Variants in ZNF780B observed in about 807,000 individuals in gnomAD.
The protein encoded by ZNF780B is zinc finger protein 780B.
A neutral mutation model predicts 74.1 loss-of-function variants in ZNF780B; 52 were observed. That is an observed-to-expected ratio of 0.70 (90% CI 0.56 to 0.88). The LOEUF is 0.88. Among genes scored for constraint, ZNF780B ranks in the 40% least tolerant of loss-of-function variants. ZNF780B has a pLI of 0.00. For missense variants in ZNF780B, 953 were observed against 1,007.6 expected, an observed-to-expected ratio of 0.95 and a Z score of 0.73; for synonymous variants, 315 against 324.3, an observed-to-expected ratio of 0.97 and a Z score of 0.31.
chr19:40,050,249 C>A, intron 2 of ZNF780B, 75 bp downstream of exon 2: 28 of 975,774 alleles, frequency 2.9e-5, no homozygotes, highest in Non-Finnish European at 3.9e-5. Flanking sequence ...TAAGAAGGTT[C>A]AGGTTTAATA....
In ZNF780B at chr19:40,032,272, G is replaced by T. The variant is rs2144678361; in HGVS notation, c.*2085C>A. 2.8e-6 allele frequency: 1 copy of T among 361,806 alleles called. No individual in the cohort carries two copies. The highest frequency in any genetic ancestry group is 2.2e-5 in the South Asian group (1 of 45,662). The allele number at this position is 361,806 out of a possible 1,614,324, so 22.4% of individuals were successfully genotyped here. On this transcript the variant is annotated 3_prime_UTR_variant, in exon 5 of 5. Transcript: ENST00000434248. ...ACAGAGGCCCAGGCTTATAAACTAG[G>T]GCTACACTTCTGTAGGTTTACTAAG...
rs1358352138 is a variant in ZNF780B, at chr19:40,028,649, G to T, written c.*5708C>A. On this transcript the variant is annotated 3_prime_UTR_variant, in exon 5 of 5. Coordinates refer to ENST00000434248, the MANE Select transcript of ZNF780B (RefSeq NM_001005851.3). ...TAGTAAAACTGCCCCAAATTAAAGT[G>T]GATAAAATATAATAAAAGTTAATTT... 6.6e-6 allele frequency: 1 copy of T among 152,132 alleles called. No homozygotes were observed. The highest frequency in any genetic ancestry group is 1.5e-5 in the Non-Finnish European group (1 of 68,026). The allele number at this position is 152,132 out of a possible 1,614,324, so 9.4% of individuals were successfully genotyped here.
Position 40,030,775 on chromosome 19 carries a change from C to T in ZNF780B, c.*3582G>A, listed in dbSNP as rs1341001916. Reference sequence around the variant, plus strand: ...TTTCTGACAACTCTTAATGATACTACCGGGATGTGCAATGACCCAGAAAGG... The same window carrying T: ...TTTCTGACAACTCTTAATGATACTATCGGGATGTGCAATGACCCAGAAAGG... On this transcript the variant is annotated 3_prime_UTR_variant, in exon 5 of 5. Coordinates refer to ENST00000434248, the MANE Select transcript of ZNF780B (RefSeq NM_001005851.3). 6.6e-6 allele frequency: 1 copy of T among 152,100 alleles called. No homozygotes were observed. The highest frequency in any genetic ancestry group is 2.4e-5 in the African/African-American group (1 of 41,398). The allele number at this position is 152,100 out of a possible 1,614,324, so 9.4% of individuals were successfully genotyped here. A position where few individuals can be genotyped will look rare whatever the true frequency, so the allele number is the denominator to read the frequency against.
At chr19:40,039,558 T>C (rs1568413897) in intron 4 of ZNF780B, among the ~76,000 whole-genome samples, 1 of 151,596 alleles carries the variant, frequency 6.6e-6, no homozygotes, top group Non-Finnish European at 1.5e-5. Flanking sequence ...GGAATGTTCT[T>C]CCATTTGTTT....
chr19:40,047,294 T>C lies in ZNF780B; in HGVS notation c.232+81A>G, dbSNP rs911553631. 3.0e-5 allele frequency: 38 copies of C among 1,252,646 alleles called. No individual in the cohort carries two copies. In the Middle Eastern group the frequency reaches 1.8e-3, roughly 59 times the overall value. The allele number at this position is 1,252,646 out of a possible 1,614,324, so 77.6% of individuals were successfully genotyped here. ...TGAAGAAAGTTTTCCAAACCACATC[T>C]CAGGGGTGTGACTCCTCTCTGAGCA... On this transcript the variant is annotated intron_variant, in intron 4 of 4. Coordinates refer to ENST00000434248, the MANE Select transcript of ZNF780B (RefSeq NM_001005851.3).
Position 40,028,349 on chromosome 19 carries a change from A to T in ZNF780B, c.*6008T>A, listed in dbSNP as rs529539134. ...AAGTGGAACTACATATAGTCATTTA[A>T]CAATAGTTTAGCATTTTCTGTCATC... is the stretch of plus-strand genomic sequence containing the variant. On this transcript the variant is annotated 3_prime_UTR_variant, in exon 5 of 5. Transcript: ENST00000434248. The T allele has an allele frequency of 1.8e-4, 27 of 152,308 alleles. No individual in the cohort carries two copies. Among genetic ancestry groups the T allele is most frequent in the African/African-American group, 6.0e-4 (25 of 41,564 alleles). 9.4% of individuals were successfully genotyped at this position (152,308 alleles called of 1,614,324 possible).
At chr19:40,042,280 T>C (rs1203126928) in intron 4 of ZNF780B, among the ~76,000 whole-genome samples, 2 of 152,226 alleles carry the variant, frequency 1.3e-5, no homozygotes, top group African/African-American at 4.8e-5. Flanking sequence ...CGCTGTTAGT[T>C]TGATGGGCTT....
At chr19:40,042,757 T>A (rs1972711930) in intron 4 of ZNF780B, among the ~76,000 whole-genome samples, 1 of 152,220 alleles carries the variant, frequency 6.6e-6, no homozygotes, top group South Asian at 2.1e-4. Context: ...CTCCATCAGC[T>A]CCTTTAAGGA....
intron 4 of ZNF780B, among the ~76,000 whole-genome samples, chr19:40,043,467 T>C (rs989287896): frequency 1.3e-5 from 2 of 152,220 alleles, no homozygotes; most frequent in Admixed American, 6.5e-5. Flanking sequence ...GACATTTAAG[T>C]CTGCAGAGGT....
Position 40,037,866 on chromosome 19 carries a change from A to G in ZNF780B, c.233-1240T>C, listed in dbSNP as rs558918921. Among the ~76,000 whole-genome samples, 3 of 146,726 alleles carry G rather than the reference A, an allele frequency of 2.0e-5. No individual in the cohort carries two copies. The South Asian group carries it at 6.5e-4, about 32-fold the overall frequency. ...TCTGGCTTTGCTCTTTGTAACAAAC[A>G]TCCAACTCCTCTTTTTTTTTTTTCT... On this transcript the variant is annotated intron_variant, in intron 4 of 4. Transcript: ENST00000434248.
In ZNF780B at chr19:40,036,582, C is replaced by A; in HGVS notation, c.277G>T (p.Asp93Tyr). ...YGPEKISPEN[D>Y]IFEINLPKHV... ...TTGGGTAAATTTATTTCAAAAATAT[C>A]ATTTTCTGGAGATATTTTCTCAGGT... Residue 93 changes from aspartate to tyrosine, a missense_variant, in exon 5 of 5, where the codon GAT becomes TAT. By Grantham distance (160) the Asp-to-Tyr change is radical (BLOSUM62 -3). Coordinates refer to ENST00000434248, the MANE Select transcript of ZNF780B (RefSeq NM_001005851.3). The A allele has an allele frequency of 6.4e-7, 1 of 1,565,124 alleles. No homozygotes were observed. Among genetic ancestry groups the A allele is most frequent in the Non-Finnish European group, 8.6e-7 (1 of 1,159,882 alleles).
In ZNF780B at chr19:40,036,593, G is replaced by C. The variant is rs758887955; in HGVS notation, c.266C>G (p.Ser89Cys). The C allele has an allele frequency of 6.2e-5, 97 of 1,556,446 alleles. No homozygotes were observed. The highest frequency in any genetic ancestry group is 7.6e-5 in the Non-Finnish European group (88 of 1,155,022). Residue 89 changes from serine to cysteine, a missense_variant, in exon 5 of 5, where the codon TCT becomes TGT. By Grantham distance (112) the Ser-to-Cys change is moderately radical. Transcript: ENST00000434248. ...LESKYGPEKI[S>C]PENDIFEINL... ...TATTTCAAAAATATCATTTTCTGGA[G>C]ATATTTTCTCAGGTCCATATTTTGA...
At chr19:40,040,637 G>C (rs998371429) in intron 4 of ZNF780B, among the ~76,000 whole-genome samples, 67 of 152,094 alleles carry the variant, frequency 4.4e-4, no homozygotes, top group African/African-American at 1.5e-3. Flanking sequence ...GTTTAGTCTT[G>C]GGAGGGTGTA....
At position 40,035,837 on chromosome 19, in the gene ZNF780B, G is replaced by T. The variant is rs201778936; in HGVS notation, c.1022C>A (p.Ala341Asp). ...KPFECKECRK[A>D]FTLLTKLVRH... Reference sequence around the variant, plus strand: ...AACAAGCTTTGTCAGAAGAGTAAAGGCCTTTCTGCATTCTTTACATTCAAA... The same window carrying T: ...AACAAGCTTTGTCAGAAGAGTAAAGTCCTTTCTGCATTCTTTACATTCAAA... Residue 341 changes from alanine (A) to aspartate (D), a missense_variant, in exon 5 of 5, where the codon GCC becomes GAC. Physicochemically the swap from Ala to Asp is moderately radical, Grantham distance 126. Transcript: ENST00000434248. 455 of 1,613,818 alleles carry T rather than the reference G, an allele frequency of 2.8e-4. No individual in the cohort carries two copies. The highest frequency in any genetic ancestry group is 3.6e-4 in the Non-Finnish European group (425 of 1,180,018).
At chr19:40,042,706 C>A (rs1321277114) in intron 4 of ZNF780B, among the ~76,000 whole-genome samples, 1 of 152,210 alleles carries the variant, frequency 6.6e-6, no homozygotes, top group Admixed American at 6.5e-5. Context: ...GCTCCTGAGG[C>A]TTCTGCATTC....
chr19:40,034,793 TTCTGATG>T lies in ZNF780B; in HGVS notation c.2059_2065del (p.His687LysfsTer49). On this transcript the variant is annotated frameshift_variant, in exon 5 of 5. Transcript: ENST00000434248. LOFTEE classifies it high-confidence loss of function. ...AAAGGGTTTCGCACTGGAATGAGTT[TTCTGATG>T]CTGAATAAGGTTTGAAACACGACTA... is the stretch of plus-strand genomic sequence containing the variant. 1 of 1,613,778 alleles carries T rather than the reference TTCTGATG, an allele frequency of 6.2e-7. No homozygotes were observed.
rs761041539 is a variant in ZNF780B at position 40,034,847 on chromosome 19, C to T, written c.2012G>A (p.Cys671Tyr). The change falls in exon 5 of 5, where the codon TGT (cysteine) becomes TAT (tyrosine). Residue 671 changes from cysteine (C) to tyrosine (Y), a missense_variant. Physicochemically the swap from Cys to Tyr is radical, Grantham distance 194 (BLOSUM62 -2). Transcript: ENST00000434248. ...SIHAGVKPYE[C>Y]KECGKGFSRV... is the part of the protein sequence containing the mutation. ...ACTAAAGCCTTTCCCACACTCCTTA[C>T]ATTCATATGGTTTTACACCAGCATG... 6.2e-6 allele frequency: 10 copies of T among 1,614,004 alleles called. No individual in the cohort carries two copies. In the African/African-American group the frequency reaches 6.7e-5, roughly 11 times the overall value.
Position 40,035,621 on chromosome 19 carries a change from T to C in ZNF780B, c.1238A>G (p.Asp413Gly), listed in dbSNP as rs142810155. 0.01 allele frequency: 16,607 copies of C among 1,613,396 alleles called. 120 individuals are homozygous for C. Among genetic ancestry groups the C allele is most frequent in the Non-Finnish European group, 0.013 (15,354 of 1,179,826 alleles). Residue 413 changes from aspartate to glycine, a missense_variant, in exon 5 of 5, where the codon GAT becomes GGT. Transcript: ENST00000434248. ...CTCCTTACATTCATATGGTTTTACATCAGCATGAATACTCTGGTGTTGAAT... is the reference window on the plus strand; with the variant it reads ...CTCCTTACATTCATATGGTTTTACACCAGCATGAATACTCTGGTGTTGAAT... ...NLIQHQSIHA[D>G]VKPYECKECG...
chr19:40,044,690 T>C (rs953883132), intron 4 of ZNF780B, among the ~76,000 whole-genome samples: 1 of 152,110 alleles, frequency 6.6e-6, no homozygotes, highest in African/African-American at 2.4e-5. Context: ...TAAAACCTAC[T>C]GACACAGCAA....
Sources: allele counts gnomAD v4.1 joint callset (sites outside exome capture counted in the v4.1 genomes callset), GRCh38; gene constraint gnomAD v4.1.1; transcripts MANE v1.5; gene names NCBI Gene and HGNC (gene_info 2026-07-23, HGNC 2026-07-21).